The following PPP2R2B variants were observed in gnomAD, a reference collection of about 807,000 sequenced individuals.
PPP2R2B encodes the protein serine/threonine-protein phosphatase 2A 55 kDa regulatory subunit B beta isoform.
In PPP2R2B, 5 loss-of-function variants were observed where a neutral mutation model predicts 46.0. That is an observed-to-expected ratio of 0.11 (90% CI 0.06 to 0.23). The LOEUF (loss-of-function observed/expected upper bound fraction) is 0.23, where lower values mean the gene tolerates loss of function less well. Ranked by LOEUF, PPP2R2B falls within the 10% of genes least tolerant of loss-of-function variation. The probability of loss-of-function intolerance (pLI) is 1.00; values close to 1 mark genes in which losing one functional copy is unlikely to be tolerated. For missense variants in PPP2R2B, 367 were observed against 575.0 expected (o/e 0.64, Z 3.70); for synonymous variants, 215 against 206.7 (o/e 1.04, Z -0.34).
At chr5:146,590,694 T>C (rs893303960) in intron 9 of PPP2R2B, among the ~76,000 whole-genome samples, 1 of 152,166 alleles carries the variant, frequency 6.6e-6, no homozygotes, top group African/African-American at 2.4e-5. Context: ...GTCTGGCCTC[T>C]AAGGCTTCAT....
chr5:146,892,120 C>A (rs1762508655), intron 1 of PPP2R2B, among the ~76,000 whole-genome samples: 1 of 152,164 alleles, frequency 6.6e-6, no homozygotes, highest in African/African-American at 2.4e-5. Context: ...ACTTTTTCAA[C>A]CTATGCAAAC....
intron 2 of PPP2R2B, among the ~76,000 whole-genome samples, chr5:146,807,705 A>T (rs754703105): frequency 6.1e-5 from 9 of 146,476 alleles, no homozygotes; most frequent in Non-Finnish European, 1.2e-4. Context: ...TCTGACTCAC[A>T]CCAGAGTATG....
intron 6 of PPP2R2B, among the ~76,000 whole-genome samples, chr5:146,649,182 G>A (rs1326137441): frequency 1.3e-5 from 2 of 152,150 alleles, no homozygotes; most frequent in South Asian, 2.1e-4. Flanking sequence ...CAGGGCTCAT[G>A]GATAGATGGA....
rs1433890024 is a variant in PPP2R2B, at chr5:147,012,420, T to G, written c.79+43245A>C. On this transcript the variant is annotated intron_variant, in intron 1 of 8. Coordinates refer to the PPP2R2B transcript ENST00000336640. Reference sequence around the variant, plus strand: ...GTTTGTATTTCTGTGGGATCAGTGGTGATATCCCCTTTATCATTTTTTATT... The same window carrying G: ...GTTTGTATTTCTGTGGGATCAGTGGGGATATCCCCTTTATCATTTTTTATT... 2.6e-5 allele frequency among the ~76,000 whole-genome samples: 4 copies of G among 152,234 alleles called. No individual in the cohort carries two copies. The South Asian group carries it at 6.2e-4, about 24-fold the overall frequency.
intron 1 of PPP2R2B, among the ~76,000 whole-genome samples, chr5:146,898,240 T>A (rs1050773814): frequency 1.3e-5 from 2 of 152,154 alleles, no homozygotes; most frequent in African/African-American, 4.8e-5. Flanking sequence ...ATATGCAGCA[T>A]TATTTCTGAG....
chr5:146,685,853 T>C lies in PPP2R2B; in HGVS notation c.447+5275A>G, dbSNP rs371439988. The stretch of plus-strand genomic sequence containing the variant: ...GTGCATCCCTTGTGTACCCACCCTG[T>C]GGCAGAAAAGGCTCTGCAGCCCTCA... On this transcript the variant is annotated intron_variant, in intron 5 of 9. Coordinates refer to ENST00000394411, the MANE Select transcript of PPP2R2B (RefSeq NM_181675.4). Among the ~76,000 whole-genome samples the C allele has an allele frequency of 1.1e-3, 163 of 152,306 alleles. 4 individuals are homozygous for C. The South Asian group carries it at 0.033, about 31-fold the overall frequency.
intron 2 of PPP2R2B, among the ~76,000 whole-genome samples, chr5:146,808,633 G>A (rs899926878): frequency 3.3e-5 from 5 of 152,158 alleles, no homozygotes; most frequent in South Asian, 2.1e-4. Context: ...GGGCTCTGGC[G>A]TGTGTTGCCA....
chr5:146,974,663 A>G (rs1033990112), intron 1 of PPP2R2B, among the ~76,000 whole-genome samples: 8 of 152,072 alleles, frequency 5.3e-5, no homozygotes, highest in African/African-American at 9.7e-5. Context: ...GTATAATTTA[A>G]AAAAATGTGT....
At chr5:146,845,611 G>A (rs1464616468) in intron 2 of PPP2R2B, among the ~76,000 whole-genome samples, 5 of 152,116 alleles carry the variant, frequency 3.3e-5, no homozygotes, top group Admixed American at 3.3e-4. Flanking sequence ...GGTGTAAGCT[G>A]AAGAACAGAC....
chr5:146,841,182 A>G (rs1287705526), intron 2 of PPP2R2B, among the ~76,000 whole-genome samples: 3 of 152,172 alleles, frequency 2.0e-5, no homozygotes, highest in Non-Finnish European at 4.4e-5. Context: ...TCAAAGCAGA[A>G]GCCAGCTATA....
At chr5:146,736,114 T>G (rs540031194) in intron 2 of PPP2R2B, among the ~76,000 whole-genome samples, 1 of 152,270 alleles carries the variant, frequency 6.6e-6, no homozygotes, top group African/African-American at 2.4e-5. Flanking sequence ...TGAGATCTGA[T>G]GGTTTCATAA....
chr5:147,056,005 A>C, upstream of PPP2R2B: 2 of 1,310,868 alleles, frequency 1.5e-6, no homozygotes, highest in Non-Finnish European at 2.0e-6. Context: ...TCATTGGCTG[A>C]AGCTCCTCTG....
At chr5:146,951,177 G>A (rs914069437) in intron 1 of PPP2R2B, among the ~76,000 whole-genome samples, 1 of 151,320 alleles carries the variant, frequency 6.6e-6, no homozygotes, top group African/African-American at 2.4e-5. Flanking sequence ...TCTCTTTTTT[G>A]TTTGTTTTTT....
In PPP2R2B at chr5:146,841,353, G is replaced by T. The variant is rs374949646; in HGVS notation, c.70+36649C>A. Among the ~76,000 whole-genome samples, 17 of 152,204 alleles carry T rather than the reference G, an allele frequency of 1.1e-4. No homozygotes were observed. The South Asian group carries it at 2.9e-3, about 26-fold the overall frequency. ...ATATCTTTGTAGAGTTTTTAAAGAC[G>T]CTGTTCAGTCCAACTAGCTTCCACT... On this transcript the variant is annotated intron_variant, in intron 2 of 9. Coordinates refer to ENST00000394411, the MANE Select transcript of PPP2R2B (RefSeq NM_181675.4).
chr5:146,706,975 C>A, intron 2 of PPP2R2B: 1 of 1,007,096 alleles, frequency 9.9e-7, no homozygotes, highest in Non-Finnish European at 1.6e-6. Context: ...CCCTTCCAGG[C>A]AAGACTCCAG....
At position 146,759,009 on chromosome 5, in the gene PPP2R2B, T is replaced by C. The variant is rs560206964; in HGVS notation, c.71-57867A>G. On this transcript the variant is annotated intron_variant, in intron 2 of 9. Coordinates refer to ENST00000394411, the MANE Select transcript of PPP2R2B (RefSeq NM_181675.4). Reference sequence around the variant, plus strand: ...TCTCTTCTTAAGCCATCTGCTCTTTTATCTACAAAAACTTACTTATTTTAT... The same window carrying C: ...TCTCTTCTTAAGCCATCTGCTCTTTCATCTACAAAAACTTACTTATTTTAT... Among the ~76,000 whole-genome samples the C allele has an allele frequency of 3.9e-5, 6 of 152,346 alleles. No homozygotes were observed. The South Asian group carries it at 1.2e-3, about 32-fold the overall frequency.
At chr5:146,698,341 T>TATATAC (rs1779327374) in intron 3 of PPP2R2B, among the ~76,000 whole-genome samples, 197 bp from the exon 4 acceptor site, 1 of 127,552 alleles carries the variant, frequency 7.8e-6, no homozygotes, top group East Asian at 2.3e-4. Context: ...TATATATATA[T>TATATAC]ATATATATAT....
At position 146,597,842 on chromosome 5, in the gene PPP2R2B, C is replaced by T. The variant is rs138810596; in HGVS notation, c.960+2449G>A. Among the ~76,000 whole-genome samples the T allele has an allele frequency of 2.6e-5, 4 of 152,264 alleles. No homozygotes were observed. The East Asian group carries it at 7.7e-4, about 29-fold the overall frequency. ...AACCTACTTCATCTATATAAGAAAACTACTCTCCTTCCTTTGATAGATGAA... is the reference window on the plus strand; with the variant it reads ...AACCTACTTCATCTATATAAGAAAATTACTCTCCTTCCTTTGATAGATGAA... On this transcript the variant is annotated intron_variant, in intron 8 of 9. Coordinates refer to ENST00000394411, the MANE Select transcript of PPP2R2B (RefSeq NM_181675.4).
rs1287359844 is a variant in PPP2R2B, at chr5:146,703,646, A to G, written c.71-2504T>C. ...CACTTGCTTTCCCAGGGGATGACACATACATTTTCCTTCTTCCTAGACTCT... is the reference window on the plus strand; with the variant it reads ...CACTTGCTTTCCCAGGGGATGACACGTACATTTTCCTTCTTCCTAGACTCT... On this transcript the variant is annotated intron_variant, in intron 2 of 9. Coordinates refer to ENST00000394411, the MANE Select transcript of PPP2R2B (RefSeq NM_181675.4). Among the ~76,000 whole-genome samples, 3 of 152,178 alleles carry G rather than the reference A, an allele frequency of 2.0e-5. No homozygotes were observed. The East Asian group carries it at 5.8e-4, about 29-fold the overall frequency.
Sources: allele counts gnomAD v4.1 joint callset (sites outside exome capture counted in the v4.1 genomes callset), GRCh38; gene constraint gnomAD v4.1.1; transcripts MANE v1.5; gene names NCBI Gene and HGNC (gene_info 2026-07-23, HGNC 2026-07-21).